DDB2: variants seen among roughly 807,000 people sequenced by gnomAD.
The protein encoded by DDB2 is DNA damage-binding protein 2.
DDB2 carries 27 observed loss-of-function variants against 50.5 expected under a neutral mutation model. The ratio of observed to expected loss-of-function variants is 0.53; its 90% CI spans 0.39 to 0.74. The LOEUF (loss-of-function observed/expected upper bound fraction) is 0.74, where lower values mean the gene tolerates loss of function less well. Ranked by LOEUF, DDB2 falls within the 30% of genes least tolerant of loss-of-function variation. The pLI is 0.00. For missense variants in DDB2, 424 were observed against 545.6 expected (o/e 0.78, Z 2.22); for synonymous variants, 176 against 205.5 (o/e 0.86, Z 1.23).
Position 47,232,485 on chromosome 11 carries a change from T to TA in DDB2, c.457-317dup, listed in dbSNP as rs11422980. Among the ~76,000 whole-genome samples the TA allele has an allele frequency of 0.3, 44,117 of 146,058 alleles. 7,685 individuals carry two copies. Among genetic ancestry groups the TA allele is most frequent in the East Asian group, 0.69 (3,444 of 4,994 alleles). The stretch of plus-strand genomic sequence containing the variant: ...TGGGCAACGTGACAAAACCCCATCT[T>TA]AAAAAAAAAAAATAGAAAAATTAGC... On this transcript the variant is annotated intron_variant, in intron 3 of 9. Coordinates refer to ENST00000256996, the MANE Select transcript of DDB2 (RefSeq NM_000107.3).
At chr11:47,237,611 A>G in intron 7 of DDB2, 1 of 462,606 alleles carries the variant, frequency 2.2e-6, no homozygotes, top group Non-Finnish European at 4.0e-6. Context: ...TTTTTTTGGT[A>G]TTTTTAGTAG....
Position 47,217,034 on chromosome 11 carries a change from C to T in DDB2, c.441C>T (p.Pro147=). ...MLWNFGIKDK[P]TFIKGIGAGG... is the part of the protein sequence containing the mutation. ...GGAATTTTGGCATCAAGGACAAACC[C>T]ACCTTCATCAAAGGGGTGAGCAGTT... Residue 147 remains proline, a synonymous_variant, in exon 3 of 10, where the codon CCC becomes CCT. Transcript: ENST00000256996. 1.2e-6 allele frequency: 2 copies of T among 1,614,008 alleles called. No homozygotes were observed. Among genetic ancestry groups the T allele is most frequent in the Admixed American group, 1.7e-5 (1 of 60,004 alleles).
At chr11:47,231,842 G>T (rs936663453) in intron 3 of DDB2, among the ~76,000 whole-genome samples, 21 of 152,176 alleles carry the variant, frequency 1.4e-4, no homozygotes, top group African/African-American at 5.1e-4. Flanking sequence ...CAATAGTGAT[G>T]GAGAACAGAT....
intron 3 of DDB2, among the ~76,000 whole-genome samples, chr11:47,230,629 A>G (rs1042215126): frequency 2.0e-5 from 3 of 152,160 alleles, no homozygotes; most frequent in Admixed American, 6.5e-5. Flanking sequence ...TGAGCATTAG[A>G]ATGACCGTGA....
Position 47,215,037 on chromosome 11 carries a change from G to T in DDB2, c.-100G>T, listed in dbSNP as rs1193302628. 1.3e-6 allele frequency: 2 copies of T among 1,574,514 alleles called. No individual in the cohort carries two copies. Among genetic ancestry groups the T allele is most frequent in the Non-Finnish European group, 1.7e-6 (2 of 1,147,310 alleles). On this transcript the variant is annotated 5_prime_UTR_variant, in exon 1 of 10. Coordinates refer to ENST00000256996, the MANE Select transcript of DDB2 (RefSeq NM_000107.3). ...GCTTAGCTCGGCTACCTGTGGCCCC[G>T]CAGTTTTGTAGTCCCCGCCTTGTTT...
At chr11:47,235,726 T>C (rs1953716547) in intron 7 of DDB2, 1 of 414,274 alleles carries the variant, frequency 2.4e-6, no homozygotes. Flanking sequence ...GTTACCTGTG[T>C]ACAGTTGACC....
At position 47,234,909 on chromosome 11, in the gene DDB2, G is replaced by A. The variant is rs763308575; in HGVS notation, c.855G>A (p.Leu285=). 39 of 1,614,130 alleles carry A rather than the reference G, an allele frequency of 2.4e-5. No individual in the cohort carries two copies. The highest frequency in any genetic ancestry group is 3.1e-5 in the Non-Finnish European group (36 of 1,180,044). Residue 285 remains leucine (L), a synonymous_variant, in exon 6 of 10, where the codon CTG becomes CTA. Coordinates refer to ENST00000256996, the MANE Select transcript of DDB2 (RefSeq NM_000107.3). ...GGAAAGCCAGCTTCCTCTACTCGCT[G>A]CCGCACAGGCATCCTGTCAACGCAG... ...VRGKASFLYS[L]PHRHPVNAAC...
At position 47,235,295 on chromosome 11, in the gene DDB2, GC is replaced by G. The variant is rs761833288; in HGVS notation, c.907del (p.Leu303SerfsTer2). 6.2e-7 allele frequency: 1 copy of G among 1,614,222 alleles called. No individual in the cohort carries two copies. Among genetic ancestry groups the G allele is most frequent in the East Asian group, 2.2e-5 (1 of 44,888 alleles). ...AACFSPDGAR[L>X]LTTDQKSEIR... ...CTTGTTTCAGTCCCGATGGAGCCCGGCTCCTGACCACGGACCAGAAGAGCGA... is the reference window on the plus strand; with the variant it reads ...CTTGTTTCAGTCCCGATGGAGCCCGGTCCTGACCACGGACCAGAAGAGCGA... On this transcript the variant is annotated frameshift_variant, in exon 7 of 10. Transcript: ENST00000256996. LOFTEE classifies it high-confidence loss of function.
At chr11:47,230,101 T>C (rs830084) in intron 3 of DDB2, among the ~76,000 whole-genome samples, 108,060 of 148,530 alleles carry the variant, frequency 0.73, 40,720 homozygotes, top group Non-Finnish European at 0.84. Context: ...AATTTGAGAC[T>C]GGCCTGAGTT....
intron 3 of DDB2, chr11:47,217,286 G>A (rs570718428): frequency 2.2e-5 from 9 of 402,098 alleles, no homozygotes; most frequent in Middle Eastern, 8.1e-4. Flanking sequence ...TGAGGCAGGA[G>A]AATTGCTTGA....
intron 7 of DDB2, among the ~76,000 whole-genome samples, chr11:47,236,565 T>C (rs1953728941): frequency 6.6e-6 from 1 of 152,234 alleles, no homozygotes; most frequent in African/African-American, 2.4e-5. Flanking sequence ...AAATTACTTA[T>C]ATTTTGGATC....
At chr11:47,236,009 T>G (rs1591002174) in intron 7 of DDB2, 1 of 139,906 alleles carries the variant, frequency 7.1e-6, no homozygotes, top group Non-Finnish European at 1.5e-5. Flanking sequence ...CATAGCTCAC[T>G]GCAGCCTCAA....
intron 3 of DDB2, among the ~76,000 whole-genome samples, chr11:47,231,143 A>C (rs190327891): frequency 0.049 from 7,031 of 143,336 alleles, 169 homozygotes; most frequent in Non-Finnish European, 0.073. Context: ...AAAAAAAAAA[A>C]ACACACAAAG....
At chr11:47,237,111 C>T (rs1040351876) in intron 7 of DDB2, among the ~76,000 whole-genome samples, 7 of 152,132 alleles carry the variant, frequency 4.6e-5, no homozygotes, top group Non-Finnish European at 7.4e-5. Context: ...CTTAGTTATT[C>T]GTGTTGATGG....
At chr11:47,220,539 G>C (rs1431878969) in intron 3 of DDB2, 1 of 152,204 alleles carries the variant, frequency 6.6e-6, no homozygotes, top group Non-Finnish European at 1.5e-5. Flanking sequence ...TGACATGCGT[G>C]TAACCTTCTT....
chr11:47,217,095 G>T (rs770431096), intron 3 of DDB2, 46 bp downstream of exon 3: 1 of 1,564,272 alleles, frequency 6.4e-7, no homozygotes, highest in South Asian at 1.1e-5. Context: ...GTGTTTGTTG[G>T]CTGGGTGCAG....
chr11:47,228,826 G>A (rs1002886871), intron 3 of DDB2, among the ~76,000 whole-genome samples: 28 of 150,630 alleles, frequency 1.9e-4, no homozygotes, highest in African/African-American at 5.6e-4. Context: ...GCGTGGTGGC[G>A]TGAGCCTGTA....
intron 3 of DDB2, chr11:47,217,480 C>T (rs1953417811): frequency 6.5e-6 from 1 of 153,456 alleles, no homozygotes; most frequent in Admixed American, 6.5e-5. Flanking sequence ...AGGAAGAGGA[C>T]TGGGATCAAA....
chr11:47,220,347 G>C (rs1484179859), intron 3 of DDB2: 3 of 152,194 alleles, frequency 2.0e-5, no homozygotes, highest in Non-Finnish European at 2.9e-5. Flanking sequence ...GAAGAAATTT[G>C]TTTTCTTGTT....
Sources: allele counts gnomAD v4.1 joint callset (sites outside exome capture counted in the v4.1 genomes callset), GRCh38; gene constraint gnomAD v4.1.1; transcripts MANE v1.5; gene names NCBI Gene and HGNC (gene_info 2026-07-23, HGNC 2026-07-21).